ADCY2: variants seen among roughly 807,000 people sequenced by gnomAD.
ADCY2 encodes adenylate cyclase type 2.
A neutral mutation model predicts 125.2 loss-of-function variants in ADCY2; 31 were observed. The ratio of observed to expected loss-of-function variants is 0.25; its 90% CI spans 0.19 to 0.33. The LOEUF (loss-of-function observed/expected upper bound fraction) is 0.33. Ranked by LOEUF, ADCY2 falls within the 10% of genes least tolerant of loss-of-function variation. The probability of loss-of-function intolerance (pLI) is 1.00; values close to 1 mark genes in which losing one functional copy is unlikely to be tolerated. For missense variants in ADCY2, 904 were observed against 1,418.2 expected, an observed-to-expected ratio of 0.64 and a Z score of 5.82; for synonymous variants, 512 against 548.4, an observed-to-expected ratio of 0.93 and a Z score of 0.93.
At chr5:7,586,977 TATAG>T (rs763595980) in intron 3 of ADCY2, among the ~76,000 whole-genome samples, 80 of 152,230 alleles carry the variant, frequency 5.3e-4, no homozygotes, top group Middle Eastern at 3.4e-3. Flanking sequence ...CACACAGGTA[TATAG>T]ATAGATAGAT....
chr5:7,824,273 C>T (rs1411325769), intron 24 of ADCY2, among the ~76,000 whole-genome samples: 1 of 152,152 alleles, frequency 6.6e-6, no homozygotes, highest in South Asian at 2.1e-4. Context: ...CTCAGCAACC[C>T]TGCGGCTTCT....
chr5:7,739,269 T>C (rs972098543), intron 14 of ADCY2, among the ~76,000 whole-genome samples: 2 of 151,840 alleles, frequency 1.3e-5, no homozygotes, highest in Non-Finnish European at 3.0e-5. Context: ...TCATTAACAA[T>C]AGAATATTTT....
intron 2 of ADCY2, among the ~76,000 whole-genome samples, chr5:7,475,530 C>T (rs527682871): frequency 4.2e-4 from 64 of 152,118 alleles, no homozygotes; most frequent in African/African-American, 3.6e-4. Context: ...TACAGGCACG[C>T]GCCAACACGT....
intron 14 of ADCY2, among the ~76,000 whole-genome samples, chr5:7,739,685 C>T (rs1172736140): frequency 2.0e-5 from 3 of 150,038 alleles, no homozygotes; most frequent in African/African-American, 7.5e-5. Flanking sequence ...GAAAGAAAAA[C>T]AGGGAGAAAA....
chr5:7,408,623 C>T (rs188934313), intron 1 of ADCY2, among the ~76,000 whole-genome samples: 1 of 152,142 alleles, frequency 6.6e-6, no homozygotes, highest in African/African-American at 2.4e-5. Context: ...CCACCGCAGC[C>T]TCTCAAAGTG....
At chr5:7,596,365 T>A (rs1418362674) in intron 3 of ADCY2, among the ~76,000 whole-genome samples, 1 of 152,168 alleles carries the variant, frequency 6.6e-6, no homozygotes, top group African/African-American at 2.4e-5. Context: ...CACCGTTTCC[T>A]CACTAACAAT....
At chr5:7,714,497 C>A (rs575595706) in intron 11 of ADCY2, among the ~76,000 whole-genome samples, 2 of 152,242 alleles carry the variant, frequency 1.3e-5, no homozygotes, top group African/African-American at 4.8e-5. Flanking sequence ...TGCAGCGTTA[C>A]TGCAAGGCAG....
intron 3 of ADCY2, among the ~76,000 whole-genome samples, chr5:7,573,867 G>T (rs372258274): frequency 7.3e-6 from 1 of 137,616 alleles, no homozygotes; most frequent in Admixed American, 7.3e-5. Context: ...CCACTAACTC[G>T]TCATCTAGCA....
At chr5:7,735,419 G>T (rs1007194868) in intron 14 of ADCY2, among the ~76,000 whole-genome samples, 2 of 152,192 alleles carry the variant, frequency 1.3e-5, no homozygotes, top group Admixed American at 6.5e-5. Flanking sequence ...GAAGAGAAAA[G>T]CATTCAGCCT....
intron 20 of ADCY2, chr5:7,798,604 G>T (rs1203956946): frequency 1.2e-4 from 16 of 138,638 alleles, no homozygotes; most frequent in African/African-American, 4.0e-4. Context: ...TTTTGAGACG[G>T]AGTCTTGCTC....
intron 3 of ADCY2, among the ~76,000 whole-genome samples, chr5:7,557,148 TAAACTTTATAG>T (rs1735541939): frequency 7.6e-6 from 1 of 131,686 alleles, no homozygotes; most frequent in African/African-American, 2.7e-5. Context: ...TATATATATA[TAAACTTTATAG>T]ATATATATAA....
intron 1 of ADCY2, among the ~76,000 whole-genome samples, chr5:7,407,618 T>C (rs757562178): frequency 2.6e-5 from 4 of 152,166 alleles, no homozygotes; most frequent in Non-Finnish European, 4.4e-5. Flanking sequence ...AAAAGGTCGA[T>C]GGGCATCTGT....
intron 2 of ADCY2, among the ~76,000 whole-genome samples, chr5:7,440,549 A>G (rs1431163146): frequency 6.6e-6 from 1 of 152,172 alleles, no homozygotes; most frequent in Non-Finnish European, 1.5e-5. Flanking sequence ...CACAAGCTAC[A>G]TGGAAACAGC....
At chr5:7,557,489 A>T (rs1354479386) in intron 3 of ADCY2, among the ~76,000 whole-genome samples, 1 of 152,006 alleles carries the variant, frequency 6.6e-6, no homozygotes, top group African/African-American at 2.4e-5. Context: ...TAAGCCTAGT[A>T]CCCATTAGTT....
intron 1 of ADCY2, among the ~76,000 whole-genome samples, chr5:7,410,767 T>A (rs1739677703): frequency 6.6e-6 from 1 of 152,194 alleles, no homozygotes; most frequent in African/African-American, 2.4e-5. Context: ...GGGGTGAGGA[T>A]ACATAGGAAT....
intron 18 of ADCY2, chr5:7,782,043 T>C (rs1743937286): frequency 6.3e-6 from 1 of 158,570 alleles, no homozygotes; most frequent in Admixed American, 6.5e-5. Context: ...ATGGAGTCCC[T>C]AGTAGTTGTC....
intron 2 of ADCY2, among the ~76,000 whole-genome samples, chr5:7,432,073 C>T (rs1483737087): frequency 2.6e-5 from 4 of 152,038 alleles, no homozygotes; most frequent in African/African-American, 4.8e-5. Context: ...TACCATTGAA[C>T]GTTGGAAAGA....
chr5:7,684,751 G>A (rs972968232), intron 4 of ADCY2, among the ~76,000 whole-genome samples: 3 of 147,462 alleles, frequency 2.0e-5, no homozygotes, highest in African/African-American at 7.5e-5. Flanking sequence ...CACTCCCTTG[G>A]AGCCACATCT....
intron 22 of ADCY2, 22 bp downstream of exon 22, chr5:7,804,714 A>C: frequency 6.3e-7 from 1 of 1,587,884 alleles, no homozygotes; most frequent in Non-Finnish European, 8.6e-7. Context: ...TGGCCACTTA[A>C]CGGCACAGGT....
Sources: gnomAD v4.1 joint callset for allele counts (sites outside exome capture counted in the v4.1 genomes callset) on GRCh38, gnomAD v4.1.1 for gene constraint, MANE v1.5 for transcripts, NCBI Gene and HGNC (gene_info 2026-07-23, HGNC 2026-07-21) for gene names.